The following STPG2 variants were observed in gnomAD, a reference collection of about 807,000 sequenced individuals.
STPG2 encodes sperm tail PG-rich repeat containing 2.
In STPG2, 56 loss-of-function variants were observed where a neutral mutation model predicts 54.2. That is an observed-to-expected ratio of 1.03 (90% confidence interval 0.83 to 1.29). STPG2 has a LOEUF of 1.29. Ranked by LOEUF, STPG2 falls within the 50% of genes most tolerant of loss-of-function variation. STPG2 has a pLI of 0.00. For missense variants in STPG2, 596 were observed against 544.9 expected, an observed-to-expected ratio of 1.09 and a Z score of -0.93; for synonymous variants, 200 against 181.8, an observed-to-expected ratio of 1.10 and a Z score of -0.81.
intron 10 of STPG2, among the ~76,000 whole-genome samples, chr4:97,591,225 T>C (rs1285487822): frequency 6.6e-6 from 1 of 152,180 alleles, no homozygotes; most frequent in African/African-American, 2.4e-5. Context: ...GTCAGATTAC[T>C]TAAAATGAAT....
intron 7 of STPG2, among the ~76,000 whole-genome samples, chr4:97,952,589 C>T (rs1182532450): frequency 2.0e-5 from 3 of 152,142 alleles, no homozygotes; most frequent in South Asian, 4.1e-4. Flanking sequence ...CAGGTTGGTG[C>T]TGGGAAAGTC....
intron 9 of STPG2, among the ~76,000 whole-genome samples, chr4:97,799,608 C>T (rs1211241083): frequency 1.3e-5 from 2 of 152,136 alleles, no homozygotes; most frequent in African/African-American, 4.8e-5. Flanking sequence ...CTCTGGCTGC[C>T]CTTAACATTT....
At chr4:97,979,535 G>A (rs1423405460) in intron 6 of STPG2, among the ~76,000 whole-genome samples, 2 of 152,118 alleles carry the variant, frequency 1.3e-5, no homozygotes, top group African/African-American at 4.8e-5. Context: ...TAGAGAAGGA[G>A]CTGTATCTTA....
chr4:97,504,041 A>G (rs913726129), intron 4 of STPG2, among the ~76,000 whole-genome samples: 1 of 144,878 alleles, frequency 6.9e-6, no homozygotes, highest in South Asian at 2.1e-4. Context: ...TTTTTAATTT[A>G]TTTTTATTTA....
intron 8 of STPG2, among the ~76,000 whole-genome samples, chr4:97,905,431 T>C (rs6811621): frequency 0.02 from 3,054 of 152,072 alleles, 112 homozygotes; most frequent in African/African-American, 0.07. Context: ...CCACCAGGCC[T>C]GCCCTAAAAG....
intron 9 of STPG2, among the ~76,000 whole-genome samples, chr4:97,806,370 G>A (rs1727562555): frequency 6.6e-6 from 1 of 152,004 alleles, no homozygotes; most frequent in African/African-American, 2.4e-5. Flanking sequence ...CTAGAAGGAG[G>A]GAAGGAAAGG....
intron 6 of STPG2, among the ~76,000 whole-genome samples, chr4:97,974,395 T>A (rs968600189): frequency 6.6e-6 from 1 of 152,230 alleles, no homozygotes; most frequent in Admixed American, 6.5e-5. Flanking sequence ...TAATGCTGAA[T>A]GAGTTAAGAC....
intron 4 of STPG2, among the ~76,000 whole-genome samples, chr4:97,522,030 C>A (rs1288242385): frequency 6.6e-6 from 1 of 151,736 alleles, no homozygotes; most frequent in Non-Finnish European, 1.5e-5. Context: ...AGTAAATATG[C>A]TTTAAAAATA....
intron 3 of STPG2, among the ~76,000 whole-genome samples, chr4:98,119,376 T>G (rs1045529676): frequency 2.0e-5 from 3 of 151,780 alleles, no homozygotes; most frequent in Admixed American, 2.0e-4. Context: ...AACTGTACTC[T>G]TCAAAAAAAA....
intron 8 of STPG2, among the ~76,000 whole-genome samples, chr4:97,882,172 A>C (rs1293713631): frequency 1.3e-5 from 2 of 152,182 alleles, no homozygotes; most frequent in African/African-American, 2.4e-5. Context: ...TAGTGTAAGA[A>C]TATGGAATGC....
chr4:97,940,334 C>T (rs1403598903), intron 8 of STPG2, among the ~76,000 whole-genome samples: 1 of 152,158 alleles, frequency 6.6e-6, no homozygotes, highest in South Asian at 2.1e-4. Flanking sequence ...CTGAATTTGA[C>T]TGTTGGCCTC....
At chr4:97,784,765 TTATAA>T (rs1726772331) in intron 9 of STPG2, among the ~76,000 whole-genome samples, 1 of 152,038 alleles carries the variant, frequency 6.6e-6, no homozygotes. Context: ...AAGTTTGGTC[TTATAA>T]TCAATTGGAA....
intron 3 of STPG2, among the ~76,000 whole-genome samples, chr4:98,116,960 T>G (rs1176279533): frequency 6.6e-6 from 1 of 152,052 alleles, no homozygotes; most frequent in African/African-American, 2.4e-5. Flanking sequence ...TGTTCCATAA[T>G]CAATAGGAAT....
At chr4:97,712,877 TA>T in intron 9 of STPG2, 63 bp from the exon 10 acceptor site, 1 of 1,159,206 alleles carries the variant, frequency 8.6e-7, no homozygotes, top group Admixed American at 2.3e-5. Flanking sequence ...ATTTTGGTCA[TA>T]TGAATATTAG....
intron 9 of STPG2, among the ~76,000 whole-genome samples, chr4:97,810,108 G>A (rs989043430): frequency 1.3e-5 from 2 of 152,048 alleles, no homozygotes; most frequent in Non-Finnish European, 2.9e-5. Context: ...CATAGTTGGT[G>A]AATTAACAAA....
intron 4 of STPG2, among the ~76,000 whole-genome samples, chr4:97,495,156 A>G (rs1274633225): frequency 6.6e-6 from 1 of 151,454 alleles, no homozygotes; most frequent in Non-Finnish European, 1.5e-5. Context: ...GACAGAACAT[A>G]TAGTTCTTCT....
chr4:97,936,043 T>C (rs1182432008), intron 8 of STPG2, among the ~76,000 whole-genome samples: 1 of 152,210 alleles, frequency 6.6e-6, no homozygotes, highest in Non-Finnish European at 1.5e-5. Flanking sequence ...AAGAACTTGC[T>C]TTATGAATCT....
intron 5 of STPG2, among the ~76,000 whole-genome samples, chr4:98,075,440 A>G (rs981587266): frequency 8.5e-5 from 13 of 152,202 alleles, no homozygotes; most frequent in Admixed American, 7.9e-4. Flanking sequence ...TATGCTTAGT[A>G]TCTTAGCCAT....
intron 10 of STPG2, among the ~76,000 whole-genome samples, chr4:97,690,313 A>G (rs1402830806): frequency 4.6e-5 from 7 of 152,172 alleles, no homozygotes; most frequent in Admixed American, 4.6e-4. Flanking sequence ...CAAGAAATTA[A>G]TGTTTTCCAG....
Sources: allele counts gnomAD v4.1 joint callset (sites outside exome capture counted in the v4.1 genomes callset), GRCh38; gene constraint gnomAD v4.1.1; transcripts MANE v1.5; gene names NCBI Gene and HGNC (gene_info 2026-07-23, HGNC 2026-07-21).